YTHDF3: variants seen among roughly 807,000 people sequenced by gnomAD.
YTHDF3 encodes the protein YTH domain-containing family protein 3.
Under a neutral mutation model 52.5 loss-of-function variants are expected in YTHDF3, and 9 were observed. The ratio of observed to expected loss-of-function variants is 0.17; its 90% CI spans 0.10 to 0.30. The LOEUF is 0.30. YTHDF3 is among the 10% of genes least tolerant of loss of function. The probability of loss-of-function intolerance (pLI) is 1.00; values close to 1 mark genes in which losing one functional copy is unlikely to be tolerated. For missense variants in YTHDF3, 534 were observed against 715.0 expected (o/e 0.75, Z 2.89); for synonymous variants, 274 against 243.3 (o/e 1.13, Z -1.18).
At chr8:63,181,362 A>T (rs72659896) in intron 3 of YTHDF3, among the ~76,000 whole-genome samples, 1 of 152,198 alleles carries the variant, frequency 6.6e-6, no homozygotes, top group South Asian at 2.1e-4. Flanking sequence ...TTAAGTAATT[A>T]CTATAGCTTC....
intron 3 of YTHDF3, among the ~76,000 whole-genome samples, chr8:63,179,228 T>C (rs1807905409): frequency 1.3e-5 from 2 of 152,264 alleles, no homozygotes; most frequent in Admixed American, 6.5e-5. Context: ...CATTTCTTTT[T>C]TTTTTTTTTA....
chr8:63,176,506 T>C (rs1807702002), intron 3 of YTHDF3, among the ~76,000 whole-genome samples: 1 of 152,048 alleles, frequency 6.6e-6, no homozygotes, highest in African/African-American at 2.4e-5. Context: ...GGTCTCGATC[T>C]CCTGACCTCA....
At chr8:63,172,724 C>G (rs1807412075) in intron 2 of YTHDF3, 1 of 1,219,386 alleles carries the variant, frequency 8.2e-7, no homozygotes, top group Non-Finnish European at 1.0e-6. Flanking sequence ...CAAAGAATCA[C>G]CTGGCTCCTA....
At chr8:63,182,955 C>CTTTTTTTTTTTTTTTTTTTT (rs11381385) in intron 3 of YTHDF3, among the ~76,000 whole-genome samples, 2 of 143,622 alleles carry the variant, frequency 1.4e-5, no homozygotes, top group Non-Finnish European at 1.5e-5. Flanking sequence ...ACAGTTTTAT[C>CTTTTTTTTTTTTTTTTTTTT]TTTTTTTTTT....
intron 4 of YTHDF3, among the ~76,000 whole-genome samples, chr8:63,196,379 T>C (rs1422420301): frequency 6.6e-6 from 1 of 151,554 alleles, no homozygotes; most frequent in Non-Finnish European, 1.5e-5. Context: ...GTGGCCAACA[T>C]GGTGAAACGC....
At chr8:63,206,453 A>G (rs897159583) in intron 4 of YTHDF3, among the ~76,000 whole-genome samples, 1 of 152,108 alleles carries the variant, frequency 6.6e-6, no homozygotes, top group Admixed American at 6.6e-5. Flanking sequence ...GCTTAGGCCA[A>G]AAGTTCTGGG....
At chr8:63,185,613 CTG>C (rs1808445750) in intron 3 of YTHDF3, among the ~76,000 whole-genome samples, 2 of 152,298 alleles carry the variant, frequency 1.3e-5, no homozygotes, top group South Asian at 2.1e-4. Context: ...CTTCTCAAGA[CTG>C]TGAGCATTTC....
In YTHDF3 at chr8:63,186,993, C is replaced by T. The variant is rs939616143; in HGVS notation, c.982C>T (p.Pro328Ser). Residue 328 changes from proline (P) to serine (S), a missense_variant, in exon 4 of 5, where the codon CCA becomes TCA. Pro to Ser is a moderately conservative substitution (Grantham distance 74). Around this residue, in one of 3 missense-constraint regions of YTHDF3, gnomAD observed 203 missense variants for 201.3 expected, o/e 1.01. Coordinates refer to ENST00000539294, the MANE Select transcript of YTHDF3 (RefSeq NM_152758.6). ...LPQQQPQPPQ[P>S]QQQQGPQPQA... The stretch of plus-strand genomic sequence containing the variant: ...TCAACAGCAGCCTCAACCACCACAA[C>T]CACAGCAGCAACAAGGACCTCAGCC... The T allele has an allele frequency of 1.9e-6, 3 of 1,613,610 alleles. No homozygotes were observed. Among genetic ancestry groups the T allele is most frequent in the African/African-American group, 2.7e-5 (2 of 74,916 alleles).
At chr8:63,180,847 G>A (rs974206818) in intron 3 of YTHDF3, among the ~76,000 whole-genome samples, 6 of 152,330 alleles carry the variant, frequency 3.9e-5, no homozygotes, top group East Asian at 1.9e-4. Flanking sequence ...GGCGGCAAGC[G>A]CCTGCAATCG....
At chr8:63,201,519 T>G (rs927179045) in intron 4 of YTHDF3, among the ~76,000 whole-genome samples, 4 of 152,200 alleles carry the variant, frequency 2.6e-5, no homozygotes, top group African/African-American at 9.7e-5. Context: ...AGTTAATAAA[T>G]ATAATTTACC....
chr8:63,187,704 C>A lies in YTHDF3; in HGVS notation c.1693C>A (p.His565Asn). The A allele has an allele frequency of 6.2e-7, 1 of 1,611,142 alleles. No homozygotes were observed. Among genetic ancestry groups the A allele is most frequent in the Non-Finnish European group, 8.5e-7 (1 of 1,178,494 alleles). ...HTTSIFDDFAHYEKRQEEEEA... is the reference protein window; with the variant it reads ...HTTSIFDDFANYEKRQEEEEA... ...CACCTCAATCTTTGATGACTTTGCA[C>A]ATTATGAAAAGCGTCAAGAAGAGGA... Residue 565 changes from histidine (H) to asparagine (N), a missense_variant, in exon 4 of 5, where the codon CAT becomes AAT. By Grantham distance (68) the His-to-Asn change is moderately conservative. Around this residue, in one of 3 missense-constraint regions of YTHDF3, gnomAD observed 135 missense variants for 214.2 expected, o/e 0.63. Transcript: ENST00000539294.
chr8:63,211,192 TG>T lies in YTHDF3; in HGVS notation c.*1487del, dbSNP rs879607866. ...ATTTATATAATTTTATTTTGTACAA[TG>T]TTTTTTTTAAATGTGCAAATACTGT... On this transcript the variant is annotated 3_prime_UTR_variant, in exon 5 of 5. Transcript: ENST00000539294. 2.5e-4 allele frequency: 38 copies of T among 152,682 alleles called. No individual in the cohort carries two copies. Among genetic ancestry groups the T allele is most frequent in the African/African-American group, 8.4e-4 (35 of 41,568 alleles). 9.5% of individuals were successfully genotyped at this position (152,682 alleles called of 1,614,324 possible). A position where few individuals can be genotyped will look rare whatever the true frequency, so the allele number is the denominator to read the frequency against.
At chr8:63,172,931 G>A (rs1807424721) in intron 2 of YTHDF3, 2 of 743,174 alleles carry the variant, frequency 2.7e-6, no homozygotes, top group Non-Finnish European at 3.7e-6. Flanking sequence ...AAAAACGAAA[G>A]TCTTTAAGAT....
chr8:63,190,747 A>G (rs960382378), intron 4 of YTHDF3, among the ~76,000 whole-genome samples: 2 of 152,164 alleles, frequency 1.3e-5, no homozygotes, highest in South Asian at 2.1e-4. Context: ...TTTTCTGTCT[A>G]TAAAACTTCC....
intron 4 of YTHDF3, among the ~76,000 whole-genome samples, chr8:63,197,250 A>C (rs1343128452): frequency 3.3e-5 from 5 of 152,252 alleles, no homozygotes; most frequent in Non-Finnish European, 1.5e-5. Flanking sequence ...CATTTGTTAA[A>C]AGTGGAAATG....
intron 1 of YTHDF3, 62 bp downstream of exon 1, chr8:63,168,963 G>T (rs1288862544): frequency 6.5e-7 from 1 of 1,540,508 alleles, no homozygotes; most frequent in Non-Finnish European, 8.7e-7. Flanking sequence ...ACCCTCGCGC[G>T]GGGCTTCGGC....
At chr8:63,180,954 G>A (rs1162152742) in intron 3 of YTHDF3, among the ~76,000 whole-genome samples, 1 of 152,222 alleles carries the variant, frequency 6.6e-6, no homozygotes, top group African/African-American at 2.4e-5. Context: ...GGCATCAGAG[G>A]GAGACCGTGG....
At chr8:63,173,559 C>T (rs1194008282) in intron 2 of YTHDF3, 2 of 604,150 alleles carry the variant, frequency 3.3e-6, no homozygotes, top group African/African-American at 4.0e-5. Context: ...AAGTTGTTAG[C>T]TGTTTCAAAT....
chr8:63,177,393 T>C (rs528324668), intron 3 of YTHDF3, among the ~76,000 whole-genome samples: 2 of 152,290 alleles, frequency 1.3e-5, no homozygotes, highest in African/African-American at 4.8e-5. Context: ...AAAAAAACTT[T>C]ACGATCTCAG....
Sources: gnomAD v4.1 joint callset for allele counts (sites outside exome capture counted in the v4.1 genomes callset) on GRCh38, gnomAD v4.1.1 for gene constraint, gnomAD v4.1.1 regional missense constraint, MANE v1.5 for transcripts, NCBI Gene and HGNC (gene_info 2026-07-23, HGNC 2026-07-21) for gene names.